The following SEC23IP variants were observed in gnomAD, a reference collection of about 807,000 sequenced individuals.
The protein encoded by SEC23IP is SEC23-interacting protein.
SEC23IP carries 70 observed loss-of-function variants against 113.4 expected under a neutral mutation model. That is an observed-to-expected ratio of 0.62 (90% confidence interval 0.51 to 0.75). The LOEUF (loss-of-function observed/expected upper bound fraction) is 0.75. Among genes scored for constraint, SEC23IP ranks in the 30% least tolerant of loss-of-function variants. SEC23IP has a pLI of 0.00. For missense variants in SEC23IP, 1,160 were observed against 1,204.9 expected (o/e 0.96, Z 0.55); for synonymous variants, 398 against 421.0 (o/e 0.95, Z 0.67).
intron 4 of SEC23IP, among the ~76,000 whole-genome samples, chr10:119,907,596 C>T (rs1854718414): frequency 6.6e-6 from 1 of 152,152 alleles, no homozygotes; most frequent in South Asian, 2.1e-4. Flanking sequence ...TCCGTATCCA[C>T]AGGTTCCGTA....
intron 11 of SEC23IP, among the ~76,000 whole-genome samples, chr10:119,920,429 G>A (rs1359527907): frequency 6.6e-6 from 1 of 152,196 alleles, no homozygotes; most frequent in Non-Finnish European, 1.5e-5. Flanking sequence ...ATGATGCAGT[G>A]TCAGAGATAC....
intron 11 of SEC23IP, among the ~76,000 whole-genome samples, chr10:119,920,547 C>T (rs192337442): frequency 1.5e-4 from 23 of 152,300 alleles, no homozygotes; most frequent in East Asian, 5.8e-4. Context: ...CATAAGACAT[C>T]GCTTCAAAGA....
chr10:119,916,843 G>A (rs1855067481), intron 8 of SEC23IP, among the ~76,000 whole-genome samples: 1 of 152,022 alleles, frequency 6.6e-6, no homozygotes, highest in Admixed American at 6.6e-5. Flanking sequence ...TCATAGTATA[G>A]TTATAGGCAC....
chr10:119,912,705 A>G (rs1011490434), intron 6 of SEC23IP, among the ~76,000 whole-genome samples: 2 of 140,622 alleles, frequency 1.4e-5, no homozygotes, highest in Non-Finnish European at 3.0e-5. Context: ...CAGTGGCGTG[A>G]TCTCAGCTCA....
intron 18 of SEC23IP, among the ~76,000 whole-genome samples, chr10:119,940,373 G>A (rs370840074): frequency 5.9e-5 from 9 of 151,820 alleles, no homozygotes; most frequent in Admixed American, 4.6e-4. Context: ...ATTTTCAGTA[G>A]AGATGGGGTT....
rs774745317 is a variant in SEC23IP, at chr10:119,919,576, A to T, written c.2005A>T (p.Lys669Ter). The stretch of plus-strand genomic sequence containing the variant: ...ATATTTTAGCACTTTTGAAAAGGAA[A>T]AGATTGATATGGAGTCCCTGGTACT... ...SEYFSTFEKE[K>*]IDMESLLMCT... The change falls in exon 11 of 19, where the codon AAG becomes TAG. Residue 669 changes from lysine (K) to a stop codon, truncating the protein, a stop_gained. Coordinates refer to ENST00000369075, the MANE Select transcript of SEC23IP (RefSeq NM_007190.4). LOFTEE classifies it high-confidence loss of function. 5 of 1,613,062 alleles carry T rather than the reference A, an allele frequency of 3.1e-6. No individual in the cohort carries two copies. Among genetic ancestry groups the T allele is most frequent in the Non-Finnish European group, 4.2e-6 (5 of 1,179,702 alleles).
At chr10:119,903,542 A>G (rs1442550155) in intron 3 of SEC23IP, among the ~76,000 whole-genome samples, 3 of 152,146 alleles carry the variant, frequency 2.0e-5, no homozygotes, top group Non-Finnish European at 4.4e-5. Context: ...TATTGTTCTG[A>G]TAAAAAAAAT....
In SEC23IP at chr10:119,941,050, T is replaced by C. The variant is rs1036400584; in HGVS notation, c.*485T>C. 3.3e-5 allele frequency: 5 copies of C among 152,258 alleles called. No individual in the cohort carries two copies. The highest frequency in any genetic ancestry group is 7.3e-5 in the Non-Finnish European group (5 of 68,048). The allele number at this position is 152,258 out of a possible 1,614,324, so 9.4% of individuals were successfully genotyped here. ...TATGATTTTTAAGAGATTTATGTTC[T>C]ACTTAAAATGTGAATTGTACTTCTG... On this transcript the variant is annotated 3_prime_UTR_variant, in exon 19 of 19. Coordinates refer to ENST00000369075, the MANE Select transcript of SEC23IP (RefSeq NM_007190.4).
intron 2 of SEC23IP, among the ~76,000 whole-genome samples, chr10:119,901,246 A>G (rs1183088103): frequency 1.3e-5 from 2 of 150,796 alleles, no homozygotes; most frequent in Non-Finnish European, 3.0e-5. Context: ...GCCTCAAATG[A>G]TCCTCCTTCC....
chr10:119,932,918 T>A, intron 16 of SEC23IP, 87 bp from the exon 17 acceptor site: 1 of 1,180,280 alleles, frequency 8.5e-7, no homozygotes, highest in Non-Finnish European at 1.2e-6. Context: ...CGTCAAGCAG[T>A]ATTCTCATTG....
At position 119,906,504 on chromosome 10, in the gene SEC23IP, A is replaced by C. The variant is rs147619368; in HGVS notation, c.1101+2227A>C. On this transcript the variant is annotated intron_variant, in intron 4 of 18. Coordinates refer to ENST00000369075, the MANE Select transcript of SEC23IP (RefSeq NM_007190.4). Reference sequence around the variant, plus strand: ...GATAACCAAGACCATTTCGACAATGAAATGTGAAATCTTTACCAGATAATA... The same window carrying C: ...GATAACCAAGACCATTTCGACAATGCAATGTGAAATCTTTACCAGATAATA... Among the ~76,000 whole-genome samples, 641 of 152,040 alleles carry C rather than the reference A, an allele frequency of 4.2e-3. 5 individuals are homozygous for C. Among genetic ancestry groups the C allele is most frequent in the African/African-American group, 0.015 (604 of 41,460 alleles).
Position 119,933,116 on chromosome 10 carries a change from TAGAG to T in SEC23IP, c.2873_2876del (p.Glu958ValfsTer33). The T allele has an allele frequency of 6.2e-7, 1 of 1,613,928 alleles. No individual in the cohort carries two copies. The highest frequency in any genetic ancestry group is 8.5e-7 in the Non-Finnish European group (1 of 1,179,828). On this transcript the variant is annotated frameshift_variant, in exon 17 of 19. Coordinates refer to ENST00000369075, the MANE Select transcript of SEC23IP (RefSeq NM_007190.4). LOFTEE classifies it high-confidence loss of function. ...GACTACGTTCTCCAAGAAAAACCAA[TAGAG>T]AGTTTTAATGAATACCTTTTCGCTC...
intron 8 of SEC23IP, among the ~76,000 whole-genome samples, chr10:119,916,758 TC>T (rs1334509364): frequency 6.6e-6 from 1 of 152,170 alleles, no homozygotes; most frequent in Non-Finnish European, 1.5e-5. Flanking sequence ...AGAGTAATCT[TC>T]CCTCTTTAAA....
At chr10:119,929,385 C>A (rs1310077918) in intron 13 of SEC23IP, among the ~76,000 whole-genome samples, 2 of 152,206 alleles carry the variant, frequency 1.3e-5, no homozygotes, top group East Asian at 3.9e-4. Flanking sequence ...AGGCGCATGC[C>A]ACCATGCCTG....
chr10:119,922,887 A>G (rs567162468), intron 12 of SEC23IP, among the ~76,000 whole-genome samples: 2 of 152,128 alleles, frequency 1.3e-5, no homozygotes, highest in Non-Finnish European at 2.9e-5. Context: ...GATGAGCACA[A>G]TAGTCAAACT....
intron 13 of SEC23IP, among the ~76,000 whole-genome samples, chr10:119,927,735 A>G (rs755195919): frequency 3.9e-5 from 6 of 152,252 alleles, no homozygotes; most frequent in Non-Finnish European, 8.8e-5. Context: ...TTTTGTGAGG[A>G]CACAATTCAA....
chr10:119,894,720 T>C (rs1375849043), intron 1 of SEC23IP, among the ~76,000 whole-genome samples: 1 of 152,206 alleles, frequency 6.6e-6, no homozygotes, highest in Non-Finnish European at 1.5e-5. Context: ...AGGGCTATAC[T>C]TGGGGTTTTC....
chr10:119,931,234 C>G (rs932344068), intron 15 of SEC23IP, among the ~76,000 whole-genome samples: 1 of 140,942 alleles, frequency 7.1e-6, no homozygotes, highest in Non-Finnish European at 1.5e-5. Context: ...GAGCCAAGAT[C>G]GTGCTACTGC....
chr10:119,933,001 C>G lies in SEC23IP; in HGVS notation c.2759-4C>G, dbSNP rs780161392. 5 of 1,610,902 alleles carry G rather than the reference C, an allele frequency of 3.1e-6. No homozygotes were observed. The East Asian group carries it at 8.9e-5, about 29-fold the overall frequency. On this transcript the variant is annotated splice_polypyrimidine_tract_variant and splice_region_variant and intron_variant, in intron 16 of 18. Coordinates refer to ENST00000369075, the MANE Select transcript of SEC23IP (RefSeq NM_007190.4). ...CTTTGATATTGAAATGGTTTAAATT[C>G]TAGCAGAAAAGGTTGTTGAAAGTCC...
Sources: gnomAD v4.1 joint callset for allele counts (sites outside exome capture counted in the v4.1 genomes callset) on GRCh38, gnomAD v4.1.1 for gene constraint, MANE v1.5 for transcripts, NCBI Gene and HGNC (gene_info 2026-07-23, HGNC 2026-07-21) for gene names.